The following PABPC4L variants were observed in gnomAD, a reference collection of about 807,000 sequenced individuals.
PABPC4L encodes the protein poly(A) binding protein cytoplasmic 4 like.
For missense variants in PABPC4L, 452 were observed against 451.4 expected (o/e 1.00, Z -0.01); for synonymous variants, 169 against 164.1 (o/e 1.03, Z -0.23).
the PABPC4L span, among the ~76,000 whole-genome samples, chr4:133,956,172 C>A: frequency 6.6e-6 from 1 of 151,884 alleles, no homozygotes. Context: ...TTCTTTGATT[C>A]TATTATTAGA....
At chr4:134,041,267 A>C in the PABPC4L span, among the ~76,000 whole-genome samples, 54 of 152,174 alleles carry the variant, frequency 3.5e-4, no homozygotes, top group Non-Finnish European at 7.3e-4. Flanking sequence ...ATAAAGACAC[A>C]TGCACATGTA....
the PABPC4L span, among the ~76,000 whole-genome samples, chr4:134,106,154 C>A: frequency 6.6e-6 from 1 of 151,554 alleles, no homozygotes; most frequent in African/African-American, 2.4e-5. Context: ...ACCTGTAATT[C>A]CAGATTAAGT....
the PABPC4L span, among the ~76,000 whole-genome samples, chr4:134,053,802 G>A: frequency 6.6e-6 from 1 of 151,812 alleles, no homozygotes; most frequent in Non-Finnish European, 1.5e-5. Flanking sequence ...CTCAAAATTC[G>A]GAATATTGTG....
At chr4:134,040,727 G>A in the PABPC4L span, among the ~76,000 whole-genome samples, 5 of 152,082 alleles carry the variant, frequency 3.3e-5, no homozygotes, top group African/African-American at 1.2e-4. Flanking sequence ...TTGACAAATG[G>A]GATCTCATTA....
At chr4:134,042,281 GGAGACTAGAA>G in the PABPC4L span, among the ~76,000 whole-genome samples, 1 of 152,012 alleles carries the variant, frequency 6.6e-6, no homozygotes, top group Non-Finnish European at 1.5e-5. Context: ...AATGGACATT[GGAGACTAGAA>G]GGTTGGGGGT....
chr4:134,042,700 T>G, the PABPC4L span, among the ~76,000 whole-genome samples: 1 of 152,252 alleles, frequency 6.6e-6, no homozygotes, highest in Non-Finnish European at 1.5e-5. Flanking sequence ...GAATAGAAAT[T>G]TTAATAAGTT....
the PABPC4L span, among the ~76,000 whole-genome samples, chr4:134,037,700 GCA>G: frequency 6.6e-6 from 1 of 152,026 alleles, no homozygotes; most frequent in East Asian, 1.9e-4. Flanking sequence ...CAAATTAAAA[GCA>G]CATCAAGATA....
At chr4:133,957,021 AC>A in the PABPC4L span, among the ~76,000 whole-genome samples, 3 of 151,888 alleles carry the variant, frequency 2.0e-5, no homozygotes, top group African/African-American at 7.3e-5. Context: ...ATATCATTCC[AC>A]CCCCAGCAGC....
chr4:133,987,894 C>T, the PABPC4L span, among the ~76,000 whole-genome samples: 73,747 of 151,994 alleles, frequency 0.49, 19,622 homozygotes, highest in African/African-American at 0.68. Flanking sequence ...TGACTCACAG[C>T]ACTGCAGGGC....
chr4:134,165,401 A>T, the PABPC4L span, among the ~76,000 whole-genome samples: 1 of 152,180 alleles, frequency 6.6e-6, no homozygotes, highest in Non-Finnish European at 1.5e-5. Flanking sequence ...AAGGTCTAGT[A>T]TCCAGGGTTT....
At chr4:134,170,761 C>G in the PABPC4L span, among the ~76,000 whole-genome samples, 68 of 152,150 alleles carry the variant, frequency 4.5e-4, no homozygotes, top group Admixed American at 4.5e-3. Context: ...ACCTCCAACA[C>G]TAGGGACTAC....
At chr4:134,141,459 T>C in the PABPC4L span, among the ~76,000 whole-genome samples, 1 of 150,316 alleles carries the variant, frequency 6.7e-6, no homozygotes, top group Non-Finnish European at 1.5e-5. Context: ...GATCTCTTTC[T>C]ATATATATGT....
chr4:134,051,188 C>T, the PABPC4L span, among the ~76,000 whole-genome samples: 1 of 152,036 alleles, frequency 6.6e-6, no homozygotes, highest in Non-Finnish European at 1.5e-5. Context: ...GGATAGAAAA[C>T]AAGACTCAGT....
the PABPC4L span, among the ~76,000 whole-genome samples, chr4:133,970,472 C>A: frequency 1.3e-3 from 196 of 152,308 alleles, 1 homozygote; most frequent in African/African-American, 4.4e-3. Context: ...TTGCATCAAA[C>A]TGCCATGTTG....
At chr4:134,186,512 C>A in the PABPC4L span, among the ~76,000 whole-genome samples, 2 of 152,092 alleles carry the variant, frequency 1.3e-5, no homozygotes, top group African/African-American at 4.8e-5. Context: ...AAACTGGATC[C>A]CTTCCTTACA....
chr4:133,963,815 A>G, the PABPC4L span, among the ~76,000 whole-genome samples: 1 of 152,182 alleles, frequency 6.6e-6, no homozygotes, highest in East Asian at 1.9e-4. Context: ...CCTCTGGGTT[A>G]CAGCAAAGGC....
the PABPC4L span, among the ~76,000 whole-genome samples, chr4:134,045,066 C>A: frequency 6.6e-6 from 1 of 151,880 alleles, no homozygotes; most frequent in African/African-American, 2.4e-5. Context: ...ATTCTTTGAT[C>A]GCAAGAGGAA....
At chr4:134,119,819 C>G in the PABPC4L span, among the ~76,000 whole-genome samples, 1 of 151,662 alleles carries the variant, frequency 6.6e-6, no homozygotes, top group South Asian at 2.1e-4. Flanking sequence ...TAAATGATGT[C>G]ATATGAAGTG....
the PABPC4L span, among the ~76,000 whole-genome samples, chr4:133,993,246 T>C: frequency 2.0e-5 from 3 of 152,164 alleles, no homozygotes; most frequent in East Asian, 5.8e-4. Context: ...TTTTGTTTTC[T>C]GAGCATATTT....
Sources: allele counts gnomAD v4.1 joint callset (sites outside exome capture counted in the v4.1 genomes callset), GRCh38; gene constraint gnomAD v4.1.1; transcripts MANE v1.5; gene names NCBI Gene and HGNC (gene_info 2026-07-23, HGNC 2026-07-21).